The following TBX3 variants were observed in gnomAD, a reference collection of about 807,000 sequenced individuals.
TBX3 encodes T-box transcription factor 3, also known as T-box transcription factor TBX3.
In TBX3, 11 loss-of-function variants were observed where a neutral mutation model predicts 47.8. That is an observed-to-expected ratio of 0.23 (90% confidence interval 0.14 to 0.38). TBX3 has a LOEUF of 0.38. TBX3 is among the 10% of genes least tolerant of loss of function. The pLI is 1.00. For missense variants in TBX3, 927 were observed against 1,022.8 expected (o/e 0.91, Z 1.28); for synonymous variants, 500 against 449.3 (o/e 1.11, Z -1.43).
intron 2 of TBX3, 30 bp downstream of exon 2, chr12:114,680,849 A>G: frequency 6.2e-7 from 1 of 1,614,140 alleles, no homozygotes; most frequent in Non-Finnish European, 8.5e-7. Context: ...AGGAGGAGAA[A>G]ATTTTACTGA....
At chr12:114,676,592 G>A (rs887526711) in intron 4 of TBX3, 122 bp from the exon 5 acceptor site, 12 of 1,319,008 alleles carry the variant, frequency 9.1e-6, no homozygotes, top group South Asian at 3.6e-5. Flanking sequence ...CAGGGACAAC[G>A]CTAATTCACT....
rs773410530 is a variant in TBX3 at position 114,682,976 on chromosome 12, G to C, written c.225C>G (p.Gly75=). ...GGGGCCCCAGGGAGGAGAACGGGAT[G>C]CCGGTCTCGGCCGCCCCCACCAATT... The part of the protein sequence containing the change: ...MDQLVGAAET[G]IPFSSLGPQA... The change falls in exon 1 of 7, where the codon GGC becomes GGG. Residue 75 remains glycine (G), a synonymous_variant. Transcript: ENST00000349155. The C allele has an allele frequency of 1.2e-6, 2 of 1,614,098 alleles. No homozygotes were observed. Among genetic ancestry groups the C allele is most frequent in the Non-Finnish European group, 1.7e-6 (2 of 1,180,026 alleles).
chr12:114,674,605 A>G lies in TBX3; in HGVS notation c.1270T>C (p.Ser424Pro). Residue 424 changes from serine (S) to proline (P), a missense_variant, in exon 6 of 7, where the codon TCC becomes CCC. Physicochemically the swap from Ser to Pro is moderately conservative, Grantham distance 74. Around this residue, in one of 5 missense-constraint regions of TBX3, gnomAD observed 623 missense variants for 569.0 expected, o/e 1.09. Coordinates refer to ENST00000349155, the MANE Select transcript of TBX3 (RefSeq NM_005996.4). Reference sequence around the variant, plus strand: ...TCCGCGCCCAGGCCGCGAGTGCTGGACGAGATGGTGGCGGGGCTATGGCGT... The same window carrying G: ...TCCGCGCCCAGGCCGCGAGTGCTGGGCGAGATGGTGGCGGGGCTATGGCGT... The part of the protein sequence containing the change: ...DSRHSPATIS[S>P]STRGLGAEER... 1.2e-6 allele frequency: 2 copies of G among 1,600,220 alleles called. No homozygotes were observed. The highest frequency in any genetic ancestry group is 1.7e-6 in the Non-Finnish European group (2 of 1,174,970).
intron 1 of TBX3, 59 bp downstream of exon 1, chr12:114,682,753 G>A (rs1374404714): frequency 6.2e-7 from 1 of 1,613,008 alleles, no homozygotes; most frequent in Non-Finnish European, 8.5e-7. Context: ...TGGGAGCAGA[G>A]AAATAAAGGG....
chr12:114,676,490 C>G lies in TBX3; in HGVS notation c.882-20G>C, dbSNP rs776923551. ...TGTTTTCTGTGGCAGAAGCCCACACCCAGGTTACAGAATGTAACATACATT... is the reference window on the plus strand; with the variant it reads ...TGTTTTCTGTGGCAGAAGCCCACACGCAGGTTACAGAATGTAACATACATT... On this transcript the variant is annotated intron_variant, in intron 4 of 6. Coordinates refer to ENST00000349155, the MANE Select transcript of TBX3 (RefSeq NM_005996.4). The G allele has an allele frequency of 2.5e-6, 4 of 1,614,128 alleles. No homozygotes were observed. In the South Asian group the frequency reaches 4.4e-5, roughly 18 times the overall value.
At position 114,672,096 on chromosome 12, in the gene TBX3, G is replaced by A; in HGVS notation, c.1917C>T (p.Ala639=). The A allele has an allele frequency of 6.4e-7, 1 of 1,569,238 alleles. No individual in the cohort carries two copies. The highest frequency in any genetic ancestry group is 1.7e-4 in the Middle Eastern group (1 of 5,942). The change falls in exon 7 of 7, where the codon GCC becomes GCT. Residue 639 remains alanine, a synonymous_variant. Coordinates refer to ENST00000349155, the MANE Select transcript of TBX3 (RefSeq NM_005996.4). ...CCGCGGCCGCCGCCATGGAGGGCAG[G>A]GCGGTGGTGAGCAGACTGCTGCCGT... ...VPDGSSLLTT[A]LPSMAAAAGP...
At chr12:114,678,921 A>G (rs2121394963) in intron 3 of TBX3, among the ~76,000 whole-genome samples, 1 of 152,218 alleles carries the variant, frequency 6.6e-6, no homozygotes, top group Admixed American at 6.5e-5. Flanking sequence ...AGCCTCAGAC[A>G]ACTCGATTAA....
rs2121391785 is a variant in TBX3, at chr12:114,677,575, C to T, written c.881+5G>A. The T allele has an allele frequency of 6.2e-7, 1 of 1,613,982 alleles. No individual in the cohort carries two copies. Among genetic ancestry groups the T allele is most frequent in the Non-Finnish European group, 8.5e-7 (1 of 1,179,874 alleles). On this transcript the variant is annotated splice_donor_5th_base_variant and intron_variant, in intron 4 of 6. Coordinates refer to ENST00000349155, the MANE Select transcript of TBX3 (RefSeq NM_005996.4). ...ACTATCTAATAAATAATTGTTTCAACTCACCTTTTTTCTCTTCGGCCATTT... is the reference window on the plus strand; with the variant it reads ...ACTATCTAATAAATAATTGTTTCAATTCACCTTTTTTCTCTTCGGCCATTT...
In TBX3 at chr12:114,671,413, T is replaced by A; in HGVS notation, c.*428A>T. The A allele has an allele frequency of 3.3e-6, 1 of 299,478 alleles. No individual in the cohort carries two copies. The highest frequency in any genetic ancestry group is 4.6e-5 in the Admixed American group (1 of 21,646). 18.6% of individuals were successfully genotyped at this position (299,478 alleles called of 1,614,324 possible). On this transcript the variant is annotated 3_prime_UTR_variant, in exon 7 of 7. Coordinates refer to ENST00000349155, the MANE Select transcript of TBX3 (RefSeq NM_005996.4). The stretch of plus-strand genomic sequence containing the variant: ...ACAGAATCATGTTAATGTGTTCACT[T>A]GTCCCGATTTTTTTTTTGAAAGATT...
At position 114,683,249 on chromosome 12, in the gene TBX3, G is replaced by A. The variant is rs751207498; in HGVS notation, c.-49C>T. ...TCCAGCCGGGGACAAGTCCGCAGCT[G>A]CTGTGTTTTGTTGTTTTTTTGTTGT... On this transcript the variant is annotated 5_prime_UTR_variant, in exon 1 of 7. Transcript: ENST00000349155. The surrounding 1 kb of genome is among the most constrained non-coding windows in gnomAD (Gnocchi z 7.7). 3.1e-6 allele frequency: 5 copies of A among 1,598,428 alleles called. No individual in the cohort carries two copies. The highest frequency in any genetic ancestry group is 2.2e-5 in the East Asian group (1 of 44,506).
At chr12:114,677,225 G>C (rs1868751036) in intron 4 of TBX3, among the ~76,000 whole-genome samples, 1 of 152,198 alleles carries the variant, frequency 6.6e-6, no homozygotes, top group Non-Finnish European at 1.5e-5. Context: ...TGGAAGACAG[G>C]ATTGCAAAAA....
rs148893550 is a variant in TBX3 at position 114,675,989 on chromosome 12, G to A, written c.1039+324C>T. On this transcript the variant is annotated intron_variant, in intron 5 of 6. Transcript: ENST00000349155. ...GAGAATGGGAGGAGAAAGAAACAGA[G>A]ACAGAGAGAAAAGAGAGAAGCGCTT... Among the ~76,000 whole-genome samples, 16 of 152,118 alleles carry A rather than the reference G, an allele frequency of 1.1e-4. No individual in the cohort carries two copies. The East Asian group carries it at 2.9e-3, about 28-fold the overall frequency.
intron 1 of TBX3, 96 bp downstream of exon 1, chr12:114,682,716 C>G (rs764784357): frequency 2.5e-6 from 4 of 1,586,938 alleles, no homozygotes; most frequent in Non-Finnish European, 3.4e-6. Flanking sequence ...TTCGTCCAAG[C>G]CGTAATAACC....
At chr12:114,673,486 A>G (rs1480905132) in intron 6 of TBX3, among the ~76,000 whole-genome samples, 2 of 152,096 alleles carry the variant, frequency 1.3e-5, no homozygotes, top group East Asian at 3.9e-4. Context: ...ACAAACCATT[A>G]ACCCTTCGAG....
Position 114,679,619 on chromosome 12 carries a change from G to C in TBX3, c.690C>G (p.Pro230=). 6.2e-7 allele frequency: 1 copy of C among 1,614,168 alleles called. No homozygotes were observed. Among genetic ancestry groups the C allele is most frequent in the Non-Finnish European group, 8.5e-7 (1 of 1,180,028 alleles). The change falls in exon 3 of 7, where the codon CCC becomes CCG. Residue 230 remains proline, a synonymous_variant. Coordinates refer to ENST00000349155, the MANE Select transcript of TBX3 (RefSeq NM_005996.4). ...CATTGGCTCTTACAATGTGGAACCG[G>C]GGCTGGTATTTGTGCATGGAGTTCA... is the stretch of plus-strand genomic sequence containing the variant. ...TILNSMHKYQ[P]RFHIVRANDI...
At position 114,676,277 on chromosome 12, in the gene TBX3, C is replaced by T. The variant is rs527782493; in HGVS notation, c.1039+36G>A. On this transcript the variant is annotated intron_variant, in intron 5 of 6. Transcript: ENST00000349155. ...TTCAACTCTTCCAGGCCACGAGGGACTGGAGTCCAGTGATCACAAAGGTGA... is the reference window on the plus strand; with the variant it reads ...TTCAACTCTTCCAGGCCACGAGGGATTGGAGTCCAGTGATCACAAAGGTGA... 15 of 1,612,462 alleles carry T rather than the reference C, an allele frequency of 9.3e-6. No homozygotes were observed. In the South Asian group the frequency reaches 1.3e-4, roughly 14 times the overall value.
chr12:114,681,792 G>T (rs766408826), intron 1 of TBX3, among the ~76,000 whole-genome samples: 5 of 152,164 alleles, frequency 3.3e-5, no homozygotes, highest in Non-Finnish European at 5.9e-5. Context: ...GTCCAAAACC[G>T]CAAGACTGTG....
At chr12:114,676,569 C>T in intron 4 of TBX3, 99 bp from the exon 5 acceptor site, 1 of 1,486,172 alleles carries the variant, frequency 6.7e-7, no homozygotes, top group Non-Finnish European at 9.3e-7. Flanking sequence ...TACCTCACAC[C>T]CTGCCTGCTG....
At chr12:114,682,678 G>C in intron 1 of TBX3, 134 bp downstream of exon 1, 1 of 1,370,258 alleles carries the variant, frequency 7.3e-7, no homozygotes, top group South Asian at 1.2e-5. Flanking sequence ...CTGGAAGTCT[G>C]TGCATACATT....
Sources: allele counts gnomAD v4.1 joint callset (sites outside exome capture counted in the v4.1 genomes callset), GRCh38; gene constraint gnomAD v4.1.1; regional missense constraint gnomAD v4.1.1; non-coding constraint Gnocchi (gnomAD v3.1); transcripts MANE v1.5; gene names NCBI Gene and HGNC (gene_info 2026-07-23, HGNC 2026-07-21).